POR: variants seen among roughly 807,000 people sequenced by gnomAD.
POR encodes the protein NADPH--cytochrome P450 reductase.
POR carries 56 observed loss-of-function variants against 84.0 expected under a neutral mutation model. The ratio of observed to expected loss-of-function variants is 0.67; its 90% CI spans 0.54 to 0.83. POR has a LOEUF of 0.83. POR is among the 40% of genes least tolerant of loss of function. The pLI, the probability that POR is intolerant of heterozygous loss-of-function variation, is 0.00. For synonymous variants in POR, 414 were observed against 400.5 expected (o/e 1.03, Z -0.40); for missense variants, 938 against 944.3 (o/e 0.99, Z 0.09).
intron 2 of POR, among the ~76,000 whole-genome samples, chr7:75,969,527 CTG>C (rs1554555832): frequency 6.6e-6 from 1 of 152,238 alleles, no homozygotes; most frequent in East Asian, 1.9e-4. Context: ...CCTGGCTGGC[CTG>C]TGTTACCCGC....
At chr7:75,982,014 T>C (rs1789077839) in intron 7 of POR, 2 of 585,654 alleles carry the variant, frequency 3.4e-6, no homozygotes, top group African/African-American at 3.7e-5. Context: ...CTTCTGGGCG[T>C]CTGGCCCCCG....
chr7:75,947,324 G>A (rs1294384940), intron 1 of POR: 1 of 152,426 alleles, frequency 6.6e-6, no homozygotes, highest in Non-Finnish European at 1.5e-5. Context: ...GCCCAGGCTG[G>A]AGTGCAAGTG....
Position 75,932,721 on chromosome 7 carries a change from G to A in POR, c.-5+17542G>A, listed in dbSNP as rs544811222. ...ACAAAATTATATGTAGTATAAGACC[G>A]ATCATGTTAAAAACATGGGCGGGCA... On this transcript the variant is annotated intron_variant, in intron 1 of 15. Transcript: ENST00000461988. 1.1e-3 allele frequency among the ~76,000 whole-genome samples: 173 copies of A among 151,972 alleles called. 2 individuals carry two copies. The South Asian group carries it at 0.032, about 28-fold the overall frequency.
chr7:75,917,317 T>A lies in POR; in HGVS notation c.-5+2138T>A, dbSNP rs760800155. The stretch of plus-strand genomic sequence containing the variant: ...TCTGGGGTTCAAGTGGTCCTCCTGC[T>A]TTGACCTCCTAAAGTGCTGAGATTA... On this transcript the variant is annotated intron_variant, in intron 1 of 15. Coordinates refer to ENST00000461988, the MANE Select transcript of POR (RefSeq NM_000941.3). 2.0e-5 allele frequency among the ~76,000 whole-genome samples: 3 copies of A among 151,924 alleles called. No homozygotes were observed. In the East Asian group the frequency reaches 5.8e-4, roughly 29 times the overall value.
chr7:75,920,268 CTG>C (rs2116196362), intron 1 of POR, among the ~76,000 whole-genome samples: 1 of 151,866 alleles, frequency 6.6e-6, no homozygotes, highest in African/African-American at 2.4e-5. Flanking sequence ...TGAGGTTTCA[CTG>C]TGTTGGCCAG....
At chr7:75,977,110 C>T (rs1483034266) in intron 3 of POR, among the ~76,000 whole-genome samples, 1 of 152,200 alleles carries the variant, frequency 6.6e-6, no homozygotes, top group African/African-American at 2.4e-5. Context: ...ACCTCGGCCT[C>T]CCAAAGTACT....
In POR at chr7:75,920,210, C is replaced by T. The variant is rs572576766; in HGVS notation, c.-5+5031C>T. 9.9e-5 allele frequency among the ~76,000 whole-genome samples: 15 copies of T among 151,762 alleles called. 2 individuals carry two copies. The East Asian group carries it at 1.2e-3, about 12-fold the overall frequency. ...CCTCCCAAGTAGCTGGGATTACAGGCGCGTGCCATCACGCCCGGCTAATTT... is the reference window on the plus strand; with the variant it reads ...CCTCCCAAGTAGCTGGGATTACAGGTGCGTGCCATCACGCCCGGCTAATTT... On this transcript the variant is annotated intron_variant, in intron 1 of 15. Coordinates refer to ENST00000461988, the MANE Select transcript of POR (RefSeq NM_000941.3).
At chr7:75,934,122 A>AGAGTGTGT (rs1807555954) in intron 1 of POR, among the ~76,000 whole-genome samples, 1 of 126,768 alleles carries the variant, frequency 7.9e-6, no homozygotes, top group Non-Finnish European at 1.7e-5. Flanking sequence ...AAGACCTCAG[A>AGAGTGTGT]GTGTGTGTGT....
Position 75,984,962 on chromosome 7 carries a change from C to T in POR, c.1248+4C>T, listed in dbSNP as rs781946497. Reference sequence around the variant, plus strand: ...CTCCTCCTCCGGCGAGGGCAAGGTGCGCCCCCTCAGCCCCCGCAACCTCCG... The same window carrying T: ...CTCCTCCTCCGGCGAGGGCAAGGTGTGCCCCCTCAGCCCCCGCAACCTCCG... On this transcript the variant is annotated splice_donor_region_variant and intron_variant, in intron 11 of 15. Transcript: ENST00000461988. 12 of 1,583,446 alleles carry T rather than the reference C, an allele frequency of 7.6e-6. No individual in the cohort carries two copies. The highest frequency in any genetic ancestry group is 4.0e-5 in the African/African-American group (3 of 74,580).
At chr7:75,980,873 AAGCCTCTTC>A in intron 5 of POR, 166 bp from the exon 6 acceptor site, 1 of 1,072,838 alleles carries the variant, frequency 9.3e-7, no homozygotes, top group South Asian at 1.7e-5. Context: ...CAACCAGATG[AAGCCTCTTC>A]AGTGGCCCAG....
intron 1 of POR, among the ~76,000 whole-genome samples, chr7:75,936,270 A>ATT (rs1361778706): frequency 5.1e-4 from 70 of 136,408 alleles, no homozygotes; most frequent in African/African-American, 1.1e-3. Context: ...CACCTGGATA[A>ATT]TTTTTTTTTT....
chr7:75,915,518 C>G lies in POR; in HGVS notation c.-5+339C>G, dbSNP rs535363666. ...GTCCAGTCCCCGCGCCGCCGCCCCC[C>G]ACGGGCTAAGCCACTTTAACTCTCC... On this transcript the variant is annotated intron_variant, in intron 1 of 15. Coordinates refer to ENST00000461988, the MANE Select transcript of POR (RefSeq NM_000941.3). 2.0e-5 allele frequency: 3 copies of G among 152,382 alleles called. No homozygotes were observed. The East Asian group carries it at 5.8e-4, about 29-fold the overall frequency. The allele number at this position is 152,382 out of a possible 1,614,324, so 9.4% of individuals were successfully genotyped here. A position where few individuals can be genotyped will look rare whatever the true frequency, so the allele number is the denominator to read the frequency against.
intron 1 of POR, among the ~76,000 whole-genome samples, chr7:75,950,298 A>G (rs1554552575): frequency 6.6e-6 from 1 of 152,202 alleles, no homozygotes; most frequent in Non-Finnish European, 1.5e-5. Flanking sequence ...TCGTCGATTT[A>G]TTAATAGAAA....
chr7:75,973,103 G>A (rs533975679), intron 3 of POR, among the ~76,000 whole-genome samples: 34 of 152,188 alleles, frequency 2.2e-4, no homozygotes, highest in African/African-American at 7.7e-4. Flanking sequence ...GATTACAGGC[G>A]TGAACCACCG....
intron 2 of POR, among the ~76,000 whole-genome samples, chr7:75,955,626 CAG>C (rs1426406896): frequency 1.3e-5 from 2 of 152,192 alleles, no homozygotes; most frequent in African/African-American, 4.8e-5. Context: ...GGGCAGGTCT[CAG>C]GGGCAGGATT....
At chr7:75,980,578 C>A (rs1262531777) in intron 5 of POR, 90 bp downstream of exon 5, 2 of 1,610,830 alleles carry the variant, frequency 1.2e-6, no homozygotes, top group East Asian at 4.5e-5. Flanking sequence ...GGCAGCCCTC[C>A]AGACCCCCAC....
chr7:75,959,845 C>T (rs1787857513), intron 2 of POR, among the ~76,000 whole-genome samples: 1 of 152,204 alleles, frequency 6.6e-6, no homozygotes, highest in Non-Finnish European at 1.5e-5. Context: ...TGACATCCTA[C>T]AATATTGAGC....
At chr7:75,952,122 A>G (rs3890914) in intron 1 of POR, among the ~76,000 whole-genome samples, 8,453 of 11,332 alleles carry the variant, frequency 0.75, 3,530 homozygotes, top group East Asian at 0.85. Flanking sequence ...CGGACGGGGC[A>G]GCTGGCCGGG....
In POR at chr7:75,986,006, T is replaced by C. The variant is rs1789428802; in HGVS notation, c.1753T>C (p.Phe585Leu). ...CCTGTACCGGGAGGAGCTGGCGCAG[T>C]TCCACAGGGACGGTGCGCTCACCCA... Residue 585 changes from phenylalanine (F) to leucine (L), a missense_variant, in exon 14 of 16, where the codon TTC (phenylalanine) becomes CTC (leucine). Phe to Leu is a conservative substitution (Grantham distance 22). Coordinates refer to ENST00000461988, the MANE Select transcript of POR (RefSeq NM_000941.3). 3.2e-6 allele frequency: 5 copies of C among 1,569,806 alleles called. No individual in the cohort carries two copies. The highest frequency in any genetic ancestry group is 4.3e-6 in the Non-Finnish European group (5 of 1,158,612).
Sources: allele counts gnomAD v4.1 joint callset (sites outside exome capture counted in the v4.1 genomes callset), GRCh38; gene constraint gnomAD v4.1.1; transcripts MANE v1.5; gene names NCBI Gene and HGNC (gene_info 2026-07-23, HGNC 2026-07-21).